RRM2: variants seen among roughly 807,000 people sequenced by gnomAD.
RRM2 encodes ribonucleotide reductase regulatory subunit M2.
RRM2 carries 6 observed loss-of-function variants against 45.9 expected under a neutral mutation model. The ratio of observed to expected loss-of-function variants is 0.13; its 90% CI spans 0.07 to 0.26. The LOEUF is 0.26. Ranked by LOEUF, RRM2 falls within the 10% of genes least tolerant of loss-of-function variation. The pLI is 1.00. For missense variants in RRM2, 343 were observed against 489.5 expected (o/e 0.70, Z 2.82); for synonymous variants, 177 against 173.0 (o/e 1.02, Z -0.18).
At chr2:10,128,437 T>C (rs1181420619) in intron 7 of RRM2, among the ~76,000 whole-genome samples, 7 of 152,228 alleles carry the variant, frequency 4.6e-5, no homozygotes, top group Non-Finnish European at 1.0e-4. Context: ...CAAACTTGAT[T>C]TACTTGAAAT....
rs773783307 is a variant in RRM2, at chr2:10,142,357, A to G, written n.464A>G. On this transcript the variant is annotated non_coding_transcript_exon_variant, in exon 3 of 4. Coordinates refer to the RRM2 transcript ENST00000381786. Reference sequence around the variant, plus strand: ...CTCGGGGTGCGCCAGTGGAAGCGGGAGGCAGTTGCAGCTTTCAGGTGAGAA... The same window carrying G: ...CTCGGGGTGCGCCAGTGGAAGCGGGGGGCAGTTGCAGCTTTCAGGTGAGAA... The G allele has an allele frequency of 2.2e-6, 3 of 1,373,758 alleles. No homozygotes were observed. The East Asian group carries it at 1.3e-4, about 61-fold the overall frequency. 85.1% of individuals were successfully genotyped at this position (1,373,758 alleles called of 1,614,324 possible). A position where few individuals can be genotyped will look rare whatever the true frequency, so the allele number is the denominator to read the frequency against.
In RRM2 at chr2:10,127,426, A is replaced by C; in HGVS notation, c.798+206A>C. The C allele has an allele frequency of 1.7e-6, 1 of 580,218 alleles. No individual in the cohort carries two copies. Among genetic ancestry groups the C allele is most frequent in the Non-Finnish European group, 3.0e-6 (1 of 329,014 alleles). The allele number at this position is 580,218 out of a possible 1,614,324, so 35.9% of individuals were successfully genotyped here. A position where few individuals can be genotyped will look rare whatever the true frequency, so the allele number is the denominator to read the frequency against. On this transcript the variant is annotated intron_variant, in intron 7 of 9. Transcript: ENST00000304567. The surrounding 1 kb of genome is among the most constrained non-coding windows in gnomAD (Gnocchi z 4.1). ...TTGCATTCTCAATATATTGTAATAC[A>C]TTTGTACATATGTATTCCCCTATAG...
chr2:10,144,742 A>G (rs1303387903), intron 3 of RRM2, among the ~76,000 whole-genome samples: 3 of 152,176 alleles, frequency 2.0e-5, no homozygotes, highest in East Asian at 1.9e-4. Flanking sequence ...AGGGAGGGTC[A>G]GCATGTGGAG....
Position 10,195,408 on chromosome 2 carries a change from G to T in RRM2, n.483-14903G>T, listed in dbSNP as rs1322118312. On this transcript the variant is annotated intron_variant and non_coding_transcript_variant, in intron 3 of 3. Coordinates refer to the RRM2 transcript ENST00000381786. The surrounding 1 kb of genome is among the most constrained non-coding windows in gnomAD (Gnocchi z 4.9). Reference sequence around the variant, plus strand: ...CGGACAGTGCTGGCGGAGCCCTGGGGAGCACCGAGTCCCCGCCGTGATGGG... The same window carrying T: ...CGGACAGTGCTGGCGGAGCCCTGGGTAGCACCGAGTCCCCGCCGTGATGGG... 6.6e-6 allele frequency among the ~76,000 whole-genome samples: 1 copy of T among 152,176 alleles called. No homozygotes were observed. The highest frequency in any genetic ancestry group is 2.4e-5 in the African/African-American group (1 of 41,448).
rs376404486 is a variant in RRM2, at chr2:10,127,633, C to T, written c.798+413C>T. Among the ~76,000 whole-genome samples the T allele has an allele frequency of 1.4e-4, 21 of 152,082 alleles. No homozygotes were observed. The highest frequency in any genetic ancestry group is 1.2e-3 in the East Asian group (6 of 5,074). ...GGGATTGTAGGTGCCTGCCACCATG[C>T]CCAGCTAATTTTCGTCTTTTTATAC... On this transcript the variant is annotated intron_variant, in intron 7 of 9. Transcript: ENST00000304567. The surrounding 1 kb of genome is among the most constrained non-coding windows in gnomAD (Gnocchi z 4.1).
At chr2:10,159,120 A>G (rs1360531536) in intron 3 of RRM2, among the ~76,000 whole-genome samples, 1 of 142,994 alleles carries the variant, frequency 7.0e-6, no homozygotes, top group East Asian at 2.4e-4. Context: ...TGGTACTGAG[A>G]GGTAAGGTGG....
intron 3 of RRM2, chr2:10,210,211 G>T (rs1664733133): frequency 4.2e-6 from 3 of 719,904 alleles, no homozygotes; most frequent in Non-Finnish European, 6.4e-6. Context: ...CCTTGGCCAT[G>T]TTCCGGCTCC....
In RRM2 at chr2:10,127,315, C is replaced by A; in HGVS notation, c.798+95C>A. 8.2e-7 allele frequency: 1 copy of A among 1,219,398 alleles called. No homozygotes were observed. Among genetic ancestry groups the A allele is most frequent in the African/African-American group, 1.5e-5 (1 of 66,632 alleles). 75.5% of individuals were successfully genotyped at this position (1,219,398 alleles called of 1,614,324 possible). ...GACGGGGACCTGAGATGCTAGATGG[C>A]ATATATCCACATTTAATGTGTGAGT... On this transcript the variant is annotated intron_variant, in intron 7 of 9. Coordinates refer to ENST00000304567, the MANE Select transcript of RRM2 (RefSeq NM_001034.4). This position sits in a 1 kb window ranked among gnomAD's most constrained non-coding sequence, Gnocchi z 4.1.
chr2:10,207,859 C>T (rs1009401272), intron 3 of RRM2, among the ~76,000 whole-genome samples: 5 of 151,802 alleles, frequency 3.3e-5, no homozygotes, highest in Non-Finnish European at 7.4e-5. Flanking sequence ...TTTTAAGTTC[C>T]TATAGGTAAA....
In RRM2 at chr2:10,205,374, G is replaced by A. The variant is rs2125335073; in HGVS notation, n.483-4937G>A. Among the ~76,000 whole-genome samples, 1 of 152,318 alleles carries A rather than the reference G, an allele frequency of 6.6e-6. No homozygotes were observed. The highest frequency in any genetic ancestry group is 3.4e-3 in the Middle Eastern group (1 of 294). ...AGAACACATTTTGGGGCAGAACCGA[G>A]TTTTCTCTTCACTTTCAGACTCAAG... On this transcript the variant is annotated intron_variant and non_coding_transcript_variant, in intron 3 of 3. Transcript: ENST00000381786. This position sits in a 1 kb window ranked among gnomAD's most constrained non-coding sequence, Gnocchi z 4.8.
In RRM2 at chr2:10,195,399, A is replaced by G. The variant is rs1664393262; in HGVS notation, n.483-14912A>G. 1.3e-5 allele frequency among the ~76,000 whole-genome samples: 2 copies of G among 151,976 alleles called. No homozygotes were observed. The highest frequency in any genetic ancestry group is 4.2e-4 in the South Asian group (2 of 4,794). ...GCCTCTGAGCGGACAGTGCTGGCGG[A>G]GCCCTGGGGAGCACCGAGTCCCCGC... On this transcript the variant is annotated intron_variant and non_coding_transcript_variant, in intron 3 of 3. Coordinates refer to the RRM2 transcript ENST00000381786. This position sits in a 1 kb window ranked among gnomAD's most constrained non-coding sequence, Gnocchi z 4.9.
chr2:10,136,673 T>C (rs1292137470), upstream of RRM2, among the ~76,000 whole-genome samples: 1 of 152,208 alleles, frequency 6.6e-6, no homozygotes, highest in Non-Finnish European at 1.5e-5. Context: ...CTCAAGAGGC[T>C]GAGGCAGAAG....
intron 3 of RRM2, among the ~76,000 whole-genome samples, chr2:10,200,832 A>C (rs556134902): frequency 1.3e-5 from 2 of 152,320 alleles, no homozygotes; most frequent in African/African-American, 4.8e-5. Context: ...AGTTCTTCCA[A>C]TTGTGTCCTG....
intron 3 of RRM2, among the ~76,000 whole-genome samples, chr2:10,181,814 G>T: frequency 7.4e-6 from 1 of 135,988 alleles, no homozygotes; most frequent in Non-Finnish European, 1.5e-5. Flanking sequence ...ACTCAGGCTG[G>T]AGTGCAGTGT....
In RRM2 at chr2:10,175,010, C is replaced by T. The variant is rs183534219; in HGVS notation, n.482+32635C>T. Among the ~76,000 whole-genome samples the T allele has an allele frequency of 2.3e-3, 356 of 152,290 alleles. 1 individual carries two copies. Among genetic ancestry groups the T allele is most frequent in the African/African-American group, 8.3e-3 (345 of 41,558 alleles). ...CCCAAATATACCCAGAAAGTCCCTG[C>T]TAACATGCTGCTGTCGTCCTTCTAT... On this transcript the variant is annotated intron_variant and non_coding_transcript_variant, in intron 3 of 3. Coordinates refer to the RRM2 transcript ENST00000381786.
At position 10,127,361 on chromosome 2, in the gene RRM2, C is replaced by A; in HGVS notation, c.798+141C>A. 1.3e-6 allele frequency: 1 copy of A among 777,418 alleles called. No homozygotes were observed. Among genetic ancestry groups the A allele is most frequent in the Non-Finnish European group, 2.0e-6 (1 of 497,848 alleles). The allele number at this position is 777,418 out of a possible 1,614,324, so 48.2% of individuals were successfully genotyped here. The stretch of plus-strand genomic sequence containing the variant: ...TGAGTTCAACCATACACATACTTGA[C>A]AAAAGAAGGAAATACTTTCATTTAC... On this transcript the variant is annotated intron_variant, in intron 7 of 9. Transcript: ENST00000304567. The surrounding 1 kb of genome is among the most constrained non-coding windows in gnomAD (Gnocchi z 4.1).
At chr2:10,167,649 T>C (rs1663710992) in intron 3 of RRM2, among the ~76,000 whole-genome samples, 2 of 152,154 alleles carry the variant, frequency 1.3e-5, no homozygotes, top group African/African-American at 4.8e-5. Context: ...GTGTCTTCTC[T>C]CTGGGCCAGG....
intron 3 of RRM2, chr2:10,210,287 A>C: frequency 7.4e-7 from 1 of 1,356,736 alleles, no homozygotes; most frequent in South Asian, 1.1e-5. Flanking sequence ...TCAGTTACCA[A>C]ATCTTTCTTT....
intron 3 of RRM2, among the ~76,000 whole-genome samples, chr2:10,191,459 C>T (rs1419034498): frequency 6.6e-6 from 1 of 152,124 alleles, no homozygotes. Context: ...GCGCAGGTGG[C>T]AGTGAGTAGC....
Sources: allele counts gnomAD v4.1 joint callset (sites outside exome capture counted in the v4.1 genomes callset), GRCh38; gene constraint gnomAD v4.1.1; non-coding constraint Gnocchi (gnomAD v3.1); transcripts MANE v1.5; gene names NCBI Gene and HGNC (gene_info 2026-07-23, HGNC 2026-07-21).